CPB2: variants seen among roughly 807,000 people sequenced by gnomAD.
The protein encoded by CPB2 is carboxypeptidase B-like protein.
Under a neutral mutation model 57.0 loss-of-function variants are expected in CPB2, and 54 were observed. That is an observed-to-expected ratio of 0.95 (90% CI 0.76 to 1.19). The LOEUF (loss-of-function observed/expected upper bound fraction) is 1.19, where lower values mean the gene tolerates loss of function less well. Among genes scored for constraint, CPB2 ranks in the 50% most tolerant of loss-of-function variants. The pLI is 0.00. For missense variants in CPB2, 426 were observed against 512.0 expected (o/e 0.83, Z 1.62); for synonymous variants, 189 against 178.1 (o/e 1.06, Z -0.49).
intron 2 of CPB2, 50 bp downstream of exon 2, chr13:46,087,691 CCCAG>C: frequency 8.2e-7 from 1 of 1,216,058 alleles, no homozygotes; most frequent in South Asian, 1.2e-5. Flanking sequence ...AAACTCAACA[CCCAG>C]TGCTTATACA....
At chr13:46,089,414 G>A (rs1448808648) in intron 1 of CPB2, among the ~76,000 whole-genome samples, 3 of 152,144 alleles carry the variant, frequency 2.0e-5, no homozygotes, top group Non-Finnish European at 2.9e-5. Flanking sequence ...CTAAGAGTAG[G>A]TGTGTCTTCA....
chr13:46,053,407 C>A lies in CPB2; in HGVS notation c.*207G>T. On this transcript the variant is annotated 3_prime_UTR_variant, in exon 11 of 11. Transcript: ENST00000181383. ...GAAAAAGTAGGTAACTAGACTTTTA[C>A]AATTTTTTTTAAAGGGTAAAAAGAC... 1 of 652,488 alleles carries A rather than the reference C, an allele frequency of 1.5e-6. No homozygotes were observed. Among genetic ancestry groups the A allele is most frequent in the Non-Finnish European group, 2.2e-6 (1 of 448,560 alleles). The allele number at this position is 652,488 out of a possible 1,614,324, so 40.4% of individuals were successfully genotyped here.
Position 46,088,195 on chromosome 13 carries a change from T to G in CPB2, c.75-375A>C, listed in dbSNP as rs542782261. On this transcript the variant is annotated intron_variant, in intron 1 of 10. Transcript: ENST00000181383. ...ATGCCTGTGAACCCATCACCCCACTTAAAAAGTCCAGCTTCCTTGACATCC... is the reference window on the plus strand; with the variant it reads ...ATGCCTGTGAACCCATCACCCCACTGAAAAAGTCCAGCTTCCTTGACATCC... Among the ~76,000 whole-genome samples the G allele has an allele frequency of 2.0e-5, 3 of 152,300 alleles. No individual in the cohort carries two copies. The South Asian group carries it at 6.2e-4, about 32-fold the overall frequency.
intron 1 of CPB2, among the ~76,000 whole-genome samples, chr13:46,095,803 A>G (rs1455440438): frequency 6.8e-6 from 1 of 147,894 alleles, no homozygotes; most frequent in African/African-American, 2.5e-5. Flanking sequence ...ATAACTGAGT[A>G]TGGTGGGGAT....
intron 4 of CPB2, among the ~76,000 whole-genome samples, chr13:46,080,169 C>G (rs1247320524): frequency 6.6e-6 from 1 of 152,152 alleles, no homozygotes; most frequent in Non-Finnish European, 1.5e-5. Flanking sequence ...TTGAAGAACT[C>G]TTTTCTCTCA....
chr13:46,079,791 G>T (rs898045304), intron 4 of CPB2, among the ~76,000 whole-genome samples: 2 of 152,124 alleles, frequency 1.3e-5, no homozygotes, highest in African/African-American at 4.8e-5. Context: ...ATCCTAGCTG[G>T]TAAAAACTGG....
intron 2 of CPB2, among the ~76,000 whole-genome samples, chr13:46,084,983 TG>T (rs2045179617): frequency 6.6e-6 from 1 of 151,974 alleles, no homozygotes; most frequent in African/African-American, 2.4e-5. Context: ...CCCGGGTAGC[TG>T]GGACTACAGG....
chr13:46,084,073 C>T (rs1202153897), intron 3 of CPB2, 146 bp downstream of exon 3: 1 of 940,036 alleles, frequency 1.1e-6, no homozygotes, highest in Non-Finnish European at 1.6e-6. Context: ...TAGGCTTTAT[C>T]ACCAGTCCAT....
At position 46,058,317 on chromosome 13, in the gene CPB2, T is replaced by C. The variant is rs1415225919; in HGVS notation, c.861A>G (p.Pro287=). The change falls in exon 9 of 11, where the codon CCA becomes CCG. Residue 287 remains proline, a synonymous_variant. Coordinates refer to ENST00000181383, the MANE Select transcript of CPB2 (RefSeq NM_001872.5). ...TYCGLYPESE[P]EVKAVASFLR... is the part of the protein sequence containing the mutation. ...AGAAACTAGCCACTGCCTTCACTTC[T>C]GGTTCTGACTCAGGATAAAGTCCAC... is the stretch of plus-strand genomic sequence containing the variant. 6.2e-7 allele frequency: 1 copy of C among 1,614,158 alleles called. No individual in the cohort carries two copies.
chr13:46,076,791 C>T (rs530775553), intron 5 of CPB2, among the ~76,000 whole-genome samples: 1 of 152,096 alleles, frequency 6.6e-6, no homozygotes, highest in Non-Finnish European at 1.5e-5. Context: ...CACAGATCTA[C>T]AGTTAACTCA....
chr13:46,084,876 G>A (rs1164663735), intron 2 of CPB2, among the ~76,000 whole-genome samples: 1 of 147,100 alleles, frequency 6.8e-6, no homozygotes, highest in Non-Finnish European at 1.5e-5. Flanking sequence ...TTTTTGAGAC[G>A]GAGTCTGGCT....
chr13:46,069,158 G>A (rs752076789), intron 6 of CPB2, among the ~76,000 whole-genome samples: 24 of 152,146 alleles, frequency 1.6e-4, no homozygotes, highest in Non-Finnish European at 3.2e-4. Flanking sequence ...AGAGATTACC[G>A]ATGTTAGGCC....
At chr13:46,069,965 TACGATTTACC>T (rs1264413343) in intron 6 of CPB2, among the ~76,000 whole-genome samples, 1 of 152,204 alleles carries the variant, frequency 6.6e-6, no homozygotes, top group African/African-American at 2.4e-5. Context: ...TTGTTGAAGG[TACGATTTACC>T]AACATGGCAA....
At chr13:46,084,780 A>G (rs1240675862) in intron 2 of CPB2, among the ~76,000 whole-genome samples, 4 of 151,670 alleles carry the variant, frequency 2.6e-5, no homozygotes, top group African/African-American at 7.2e-5. Flanking sequence ...TCCTTTTTTT[A>G]AAAAGGCTTC....
chr13:46,101,764 A>T (rs1323556356), intron 1 of CPB2, among the ~76,000 whole-genome samples: 4 of 152,198 alleles, frequency 2.6e-5, no homozygotes, highest in African/African-American at 9.6e-5. Context: ...CCAAGTCTGC[A>T]TGGGTGATAA....
In CPB2 at chr13:46,055,818, A is replaced by G; in HGVS notation, c.1031T>C (p.Ile344Thr). ...SLVASEAVRAIEKISKNTRYT... is the reference protein window; with the variant it reads ...SLVASEAVRATEKISKNTRYT... ...CCTGGTATTTTTACTAATTTTCTCA[A>G]TAGCACGAACTGCTTCACTGGCTAC... The change falls in exon 10 of 11, where the codon ATT becomes ACT. Residue 344 changes from isoleucine to threonine, a missense_variant. By Grantham distance (89) the Ile-to-Thr change is moderately conservative. Coordinates refer to ENST00000181383, the MANE Select transcript of CPB2 (RefSeq NM_001872.5). 5 of 1,602,210 alleles carry G rather than the reference A, an allele frequency of 3.1e-6. No individual in the cohort carries two copies. Among genetic ancestry groups the G allele is most frequent in the East Asian group, 2.2e-5 (1 of 44,504 alleles).
intron 1 of CPB2, among the ~76,000 whole-genome samples, chr13:46,093,220 C>T (rs781263356): frequency 9.9e-5 from 15 of 152,084 alleles, no homozygotes; most frequent in Non-Finnish European, 2.1e-4. Flanking sequence ...CCAAGGATAA[C>T]TTTAACAAGG....
intron 1 of CPB2, 93 bp downstream of exon 1, chr13:46,104,843 T>G (rs953995928): frequency 8.9e-6 from 13 of 1,464,812 alleles, no homozygotes; most frequent in African/African-American, 1.4e-5. Flanking sequence ...AGTTTACCAT[T>G]TTGTCCACCA....
Position 46,064,690 on chromosome 13 carries a change from C to T in CPB2, c.754G>A (p.Gly252Arg), listed in dbSNP as rs745575682. Residue 252 changes from glycine (G) to arginine (R), a missense_variant, in exon 8 of 11, where the codon GGA becomes AGA. Transcript: ENST00000181383. ...RSFYANNHCI[G>R]TDLNRNFASK... is the part of the protein sequence containing the mutation. ...GCAAAGTTCCTATTCAGGTCTGTTC[C>T]GATGCAATGATTGTTCGCATAGAAA... The T allele has an allele frequency of 2.8e-5, 45 of 1,614,000 alleles. No homozygotes were observed. The highest frequency in any genetic ancestry group is 3.6e-5 in the Non-Finnish European group (42 of 1,180,012).
Sources: allele counts gnomAD v4.1 joint callset (sites outside exome capture counted in the v4.1 genomes callset), GRCh38; gene constraint gnomAD v4.1.1; transcripts MANE v1.5; gene names NCBI Gene and HGNC (gene_info 2026-07-23, HGNC 2026-07-21).